Variants in PTPN9 observed in about 807,000 individuals in gnomAD.
The protein encoded by PTPN9 is protein tyrosine phosphatase non-receptor type 9, also known as tyrosine-protein phosphatase non-receptor type 9.
PTPN9 carries 26 observed loss-of-function variants against 69.8 expected under a neutral mutation model. That is an observed-to-expected ratio of 0.37 (90% confidence interval 0.27 to 0.52). The LOEUF (loss-of-function observed/expected upper bound fraction) is 0.52, where lower values mean the gene tolerates loss of function less well. PTPN9 is among the 20% of genes least tolerant of loss of function. The pLI, the probability that PTPN9 is intolerant of heterozygous loss-of-function variation, is 0.91. For synonymous variants in PTPN9, 274 were observed against 272.5 expected (o/e 1.01, Z -0.05); for missense variants, 549 against 740.3 (o/e 0.74, Z 3.00).
chr15:75,493,878 A>C (rs967282638), intron 7 of PTPN9, among the ~76,000 whole-genome samples: 1 of 152,086 alleles, frequency 6.6e-6, no homozygotes, highest in Non-Finnish European at 1.5e-5. Flanking sequence ...TTGTAAATGA[A>C]GTTTTACTGG....
chr15:75,475,814 T>C (rs1440984152), intron 9 of PTPN9, among the ~76,000 whole-genome samples: 1 of 152,116 alleles, frequency 6.6e-6, no homozygotes, highest in Non-Finnish European at 1.5e-5. Flanking sequence ...AGAAATACAC[T>C]AAATATCCAA....
chr15:75,556,118 G>A (rs1308679924), intron 1 of PTPN9, among the ~76,000 whole-genome samples: 1 of 150,260 alleles, frequency 6.7e-6, no homozygotes, highest in Non-Finnish European at 1.5e-5. Flanking sequence ...AGGCTGGAGT[G>A]CAGTGGCACA....
intron 10 of PTPN9, 75 bp from the exon 11 acceptor site, chr15:75,470,905 GATATAC>G: frequency 6.5e-7 from 1 of 1,534,662 alleles, no homozygotes; most frequent in Non-Finnish European, 8.8e-7. Context: ...CCAAAGACCT[GATATAC>G]CCCCAGGCAG....
At chr15:75,495,511 G>A (rs572379758) in intron 7 of PTPN9, among the ~76,000 whole-genome samples, 1 of 152,204 alleles carries the variant, frequency 6.6e-6, no homozygotes, top group South Asian at 2.1e-4. Flanking sequence ...TCAGGAGTTC[G>A]AAACCAGCCT....
chr15:75,498,633 T>G (rs1236321462), intron 7 of PTPN9, among the ~76,000 whole-genome samples: 1 of 152,086 alleles, frequency 6.6e-6, no homozygotes. Context: ...GAGAATCGCT[T>G]GAACCTGGGA....
chr15:75,472,416 T>C (rs1370497319), intron 10 of PTPN9, among the ~76,000 whole-genome samples: 2 of 151,684 alleles, frequency 1.3e-5, no homozygotes, highest in Admixed American at 6.6e-5. Flanking sequence ...GAGCTGAGAT[T>C]GCGCCACTGC....
chr15:75,473,941 C>A (rs1051310286), intron 9 of PTPN9, among the ~76,000 whole-genome samples, 174 bp from the exon 10 acceptor site: 1 of 152,116 alleles, frequency 6.6e-6, no homozygotes, highest in Non-Finnish European at 1.5e-5. Flanking sequence ...ACACCAGCAT[C>A]GTATGGGAGA....
Position 75,467,736 on chromosome 15 carries a change from G to T in PTPN9, c.*1033C>A, listed in dbSNP as rs1367921512. 6.6e-6 allele frequency: 1 copy of T among 152,568 alleles called. No homozygotes were observed. The highest frequency in any genetic ancestry group is 1.9e-4 in the East Asian group (1 of 5,192). The allele number at this position is 152,568 out of a possible 1,614,324, so 9.5% of individuals were successfully genotyped here. On this transcript the variant is annotated 3_prime_UTR_variant, in exon 13 of 13. Coordinates refer to ENST00000618819, the MANE Select transcript of PTPN9 (RefSeq NM_002833.4). The stretch of plus-strand genomic sequence containing the variant: ...TCTAAGATTCGTACCGATTGCATTT[G>T]GCTCTGGCTGCTCAGTGAGTTCATC...
intron 1 of PTPN9, among the ~76,000 whole-genome samples, chr15:75,569,683 CA>C (rs747748643): frequency 0.19 from 10,647 of 54,986 alleles, 322 homozygotes; most frequent in South Asian, 0.3. Flanking sequence ...AACTCCATCT[CA>C]AAAAAAAAAA....
intron 1 of PTPN9, among the ~76,000 whole-genome samples, chr15:75,544,272 AC>A (rs2075021778): frequency 6.6e-6 from 1 of 152,164 alleles, no homozygotes; most frequent in South Asian, 2.1e-4. Context: ...GGGGGCTCAC[AC>A]CCATAATCCC....
Position 75,516,372 on chromosome 15 carries a change from T to C in PTPN9, c.528+887A>G, listed in dbSNP as rs546810509. Among the ~76,000 whole-genome samples the C allele has an allele frequency of 1.8e-4, 27 of 150,644 alleles. No individual in the cohort carries two copies. The South Asian group carries it at 5.5e-3, about 31-fold the overall frequency. ...AGGCTGGAGTGCAGTGGCACGATCT[T>C]GGCTCACTGCAAGCTCCGCCTCCCG... On this transcript the variant is annotated intron_variant, in intron 5 of 12. Transcript: ENST00000618819.
intron 5 of PTPN9, among the ~76,000 whole-genome samples, chr15:75,509,523 A>G (rs764073959): frequency 2.0e-5 from 3 of 151,588 alleles, no homozygotes; most frequent in Non-Finnish European, 4.4e-5. Context: ...ACCCATCACT[A>G]CTAAAAATAC....
chr15:75,568,234 T>C (rs527916943), intron 1 of PTPN9, among the ~76,000 whole-genome samples: 1 of 152,102 alleles, frequency 6.6e-6, no homozygotes, highest in South Asian at 2.1e-4. Context: ...GGCTCATGGC[T>C]GTAATCCCAG....
chr15:75,561,364 C>T (rs2075103427), intron 1 of PTPN9, among the ~76,000 whole-genome samples: 1 of 151,266 alleles, frequency 6.6e-6, no homozygotes. Context: ...GGAAAATTTT[C>T]TTCCTCAACT....
At chr15:75,522,657 A>C (rs1436117640) in intron 4 of PTPN9, among the ~76,000 whole-genome samples, 1 of 152,098 alleles carries the variant, frequency 6.6e-6, no homozygotes, top group Non-Finnish European at 1.5e-5. Flanking sequence ...CACCTGCTTC[A>C]GCCTCCCAAA....
At chr15:75,535,066 G>A (rs1419735917) in intron 1 of PTPN9, among the ~76,000 whole-genome samples, 4 of 150,946 alleles carry the variant, frequency 2.6e-5, no homozygotes, top group African/African-American at 4.9e-5. Flanking sequence ...GCGTGATCTC[G>A]GCTCACTGCA....
chr15:75,519,964 A>G lies in PTPN9; in HGVS notation c.423-2600T>C, dbSNP rs572612930. 1.3e-4 allele frequency among the ~76,000 whole-genome samples: 20 copies of G among 152,244 alleles called. 1 individual carries two copies. In the South Asian group the frequency reaches 3.5e-3, roughly 27 times the overall value. On this transcript the variant is annotated intron_variant, in intron 4 of 12. Coordinates refer to ENST00000618819, the MANE Select transcript of PTPN9 (RefSeq NM_002833.4). Reference sequence around the variant, plus strand: ...GTCAACAGAGTGAAACTCCGCCTCTACAAAAAAATTTTAAAATTGGACGGG... The same window carrying G: ...GTCAACAGAGTGAAACTCCGCCTCTGCAAAAAAATTTTAAAATTGGACGGG...
At chr15:75,513,165 T>C (rs1249768250) in intron 5 of PTPN9, 1 of 429,540 alleles carries the variant, frequency 2.3e-6, no homozygotes. Flanking sequence ...GGTCTGCAGT[T>C]CTTTGCTCTG....
intron 8 of PTPN9, among the ~76,000 whole-genome samples, chr15:75,485,459 C>G (rs952909708): frequency 2.5e-3 from 358 of 141,778 alleles, no homozygotes; most frequent in Non-Finnish European, 3.8e-3. Context: ...AGCTCCGCTT[C>G]CCGGGTTCAC....
Sources: allele counts gnomAD v4.1 joint callset (sites outside exome capture counted in the v4.1 genomes callset), GRCh38; gene constraint gnomAD v4.1.1; transcripts MANE v1.5; gene names NCBI Gene and HGNC (gene_info 2026-07-23, HGNC 2026-07-21).